The following PDE6C variants were observed in gnomAD, a reference collection of about 807,000 sequenced individuals.
PDE6C encodes cone cGMP-specific 3',5'-cyclic phosphodiesterase subunit alpha'.
In PDE6C, 75 loss-of-function variants were observed where a neutral mutation model predicts 113.1. That is an observed-to-expected ratio of 0.66 (90% CI 0.55 to 0.80). The LOEUF (loss-of-function observed/expected upper bound fraction) is 0.80. PDE6C is among the 30% of genes least tolerant of loss of function. The pLI is 0.00. For synonymous variants in PDE6C, 375 were observed against 363.7 expected (o/e 1.03, Z -0.35); for missense variants, 912 against 1,038.6 (o/e 0.88, Z 1.67).
intron 16 of PDE6C, among the ~76,000 whole-genome samples, chr10:93,658,582 A>G (rs2058651489): frequency 6.6e-6 from 1 of 152,042 alleles, no homozygotes; most frequent in Admixed American, 6.6e-5. Context: ...AAGTGCTGGG[A>G]TTATAGATGT....
intron 15 of PDE6C, 82 bp from the exon 16 acceptor site, chr10:93,655,678 G>T: frequency 2.1e-5 from 13 of 631,640 alleles, no homozygotes; most frequent in Non-Finnish European, 3.0e-5. Flanking sequence ...AAGACTTTTA[G>T]ATTTTCTTCT....
intron 1 of PDE6C, among the ~76,000 whole-genome samples, chr10:93,618,367 C>A (rs2058430017): frequency 2.0e-5 from 3 of 152,058 alleles, no homozygotes; most frequent in Admixed American, 2.0e-4. Context: ...GGAAGCATTA[C>A]CCCTATTTTC....
intron 15 of PDE6C, 116 bp from the exon 16 acceptor site, chr10:93,655,644 A>C (rs1589704605): frequency 1.5e-6 from 1 of 647,026 alleles, no homozygotes; most frequent in East Asian, 2.7e-5. Context: ...GAAAACAAAA[A>C]AAAAACAAAC....
intron 8 of PDE6C, among the ~76,000 whole-genome samples, chr10:93,631,151 TGGGGCCTCCCC>T (rs2058499798): frequency 6.6e-6 from 1 of 152,188 alleles, no homozygotes; most frequent in Non-Finnish European, 1.5e-5. Context: ...AGAGGAGGCC[TGGGGCCTCCCC>T]GGGGCCTTGG....
chr10:93,630,485 C>T (rs978490636), intron 8 of PDE6C, among the ~76,000 whole-genome samples: 4 of 151,994 alleles, frequency 2.6e-5, no homozygotes, highest in Non-Finnish European at 4.4e-5. Context: ...CCACCTGTCA[C>T]CTCCTCCCAA....
chr10:93,632,346 G>C (rs906506865), intron 8 of PDE6C, among the ~76,000 whole-genome samples: 1 of 152,116 alleles, frequency 6.6e-6, no homozygotes, highest in Admixed American at 6.6e-5. Flanking sequence ...CATCTTTGGG[G>C]GCCATTGTTC....
At chr10:93,620,606 G>T in intron 1 of PDE6C, 26 bp from the exon 2 acceptor site, 1 of 1,613,462 alleles carries the variant, frequency 6.2e-7, no homozygotes, top group South Asian at 1.1e-5. Flanking sequence ...GTGCCACTTT[G>T]ACAAATATGT....
chr10:93,654,366 G>C (rs1286758858), intron 15 of PDE6C, among the ~76,000 whole-genome samples: 1 of 152,318 alleles, frequency 6.6e-6, no homozygotes, highest in East Asian at 1.9e-4. Flanking sequence ...GAACCATGCT[G>C]CACTGGCTTA....
At chr10:93,625,402 T>C (rs901828987) in intron 4 of PDE6C, among the ~76,000 whole-genome samples, 173 bp from the exon 5 acceptor site, 2 of 152,258 alleles carry the variant, frequency 1.3e-5, no homozygotes, top group East Asian at 1.9e-4. Context: ...TTAAGTAACA[T>C]GTTAACAGTC....
rs1291594678 is a variant in PDE6C, at chr10:93,665,575, AGGG to A, written c.*159_*161del. The A allele has an allele frequency of 3.2e-6, 2 of 625,440 alleles. No individual in the cohort carries two copies. Among genetic ancestry groups the A allele is most frequent in the African/African-American group, 3.7e-5 (2 of 54,100 alleles). The allele number at this position is 625,440 out of a possible 1,614,324, so 38.7% of individuals were successfully genotyped here. Reference sequence around the variant, plus strand: ...TATATATTGCTAGCCCAAAAATCCCAGGGGCAAAATAAAGTTCAACAAAAGTGC... The same window carrying A: ...TATATATTGCTAGCCCAAAAATCCCAGCAAAATAAAGTTCAACAAAAGTGC... On this transcript the variant is annotated 3_prime_UTR_variant, in exon 22 of 22. Coordinates refer to ENST00000371447, the MANE Select transcript of PDE6C (RefSeq NM_006204.4).
At chr10:93,651,050 C>T (rs2085342820) in intron 15 of PDE6C, among the ~76,000 whole-genome samples, 1 of 152,084 alleles carries the variant, frequency 6.6e-6, no homozygotes. Flanking sequence ...CATACACAAA[C>T]TTGTTGGTAT....
chr10:93,660,310 G>A (rs981243601), intron 18 of PDE6C, among the ~76,000 whole-genome samples: 4 of 152,190 alleles, frequency 2.6e-5, no homozygotes, highest in African/African-American at 9.6e-5. Flanking sequence ...AGTTAAACTT[G>A]TATGTTTTAT....
intron 1 of PDE6C, among the ~76,000 whole-genome samples, chr10:93,615,419 T>A (rs1218627767): frequency 6.6e-6 from 1 of 152,248 alleles, no homozygotes; most frequent in Non-Finnish European, 1.5e-5. Flanking sequence ...TCTTGCTCCA[T>A]CACCCAGGCT....
At chr10:93,658,307 T>TAAAAG (rs1215003990) in intron 16 of PDE6C, among the ~76,000 whole-genome samples, 1 of 151,988 alleles carries the variant, frequency 6.6e-6, no homozygotes, top group Admixed American at 6.6e-5. Flanking sequence ...GAGTGTGAGA[T>TAAAAG]AATATCTTAT....
In PDE6C at chr10:93,640,532, G is replaced by T; in HGVS notation, c.1712G>T (p.Gly571Val). The T allele has an allele frequency of 6.2e-7, 1 of 1,612,884 alleles. No homozygotes were observed. The highest frequency in any genetic ancestry group is 1.1e-5 in the South Asian group (1 of 91,062). Residue 571 changes from glycine to valine, a missense_variant, in exon 13 of 22, where the codon GGG becomes GTG. Transcript: ENST00000371447. Reference sequence around the variant, plus strand: ...AATTGGCGGCATGGGTTCAACGTGGGGCAGACCATGTTTACTTTGCTGATG... The same window carrying T: ...AATTGGCGGCATGGGTTCAACGTGGTGCAGACCATGTTTACTTTGCTGATG... Reference protein sequence around the residue: ...YHNWRHGFNVGQTMFTLLMTG... With the variant: ...YHNWRHGFNVVQTMFTLLMTG...
At chr10:93,650,014 C>T (rs11187574) in intron 15 of PDE6C, among the ~76,000 whole-genome samples, 70,034 of 151,536 alleles carry the variant, frequency 0.46, 17,082 homozygotes, top group Non-Finnish European at 0.54. Flanking sequence ...CAAGTAATTG[C>T]TCATATCATG....
intron 8 of PDE6C, among the ~76,000 whole-genome samples, chr10:93,630,474 C>A (rs1043754743): frequency 6.6e-6 from 1 of 151,914 alleles, no homozygotes; most frequent in Non-Finnish European, 1.5e-5. Flanking sequence ...CCACCCACTC[C>A]CCACCTGTCA....
chr10:93,665,436 A>G lies in PDE6C; in HGVS notation c.*18A>G, dbSNP rs780614157. The G allele has an allele frequency of 2.0e-6, 3 of 1,481,182 alleles. No individual in the cohort carries two copies. The highest frequency in any genetic ancestry group is 2.3e-5 in the South Asian group (2 of 88,438). The allele number at this position is 1,481,182 out of a possible 1,614,324, so 91.8% of individuals were successfully genotyped here. A position where few individuals can be genotyped will look rare whatever the true frequency, so the allele number is the denominator to read the frequency against. On this transcript the variant is annotated 3_prime_UTR_variant, in exon 22 of 22. Transcript: ENST00000371447. ...TGTTGTAATATTATCTAACTGGTCTAAACTTCAAATATCATTTTACCTTTG... is the reference window on the plus strand; with the variant it reads ...TGTTGTAATATTATCTAACTGGTCTGAACTTCAAATATCATTTTACCTTTG...
At chr10:93,657,574 C>A (rs76482894) in intron 16 of PDE6C, among the ~76,000 whole-genome samples, 1,677 of 152,066 alleles carry the variant, frequency 0.011, 20 homozygotes, top group Non-Finnish European at 0.016. Context: ...CATTGTGTTT[C>A]AAAGATTTAT....
Sources: gnomAD v4.1 joint callset for allele counts (sites outside exome capture counted in the v4.1 genomes callset) on GRCh38, gnomAD v4.1.1 for gene constraint, MANE v1.5 for transcripts, NCBI Gene and HGNC (gene_info 2026-07-23, HGNC 2026-07-21) for gene names.